Variants in SPOCK1 observed in about 807,000 individuals in gnomAD.
SPOCK1 encodes the protein testican-1.
SPOCK1 carries 23 observed loss-of-function variants against 55.3 expected under a neutral mutation model. The ratio of observed to expected loss-of-function variants is 0.42; its 90% CI spans 0.30 to 0.59. The LOEUF (loss-of-function observed/expected upper bound fraction) is 0.59, where lower values mean the gene tolerates loss of function less well. SPOCK1 is among the 20% of genes least tolerant of loss of function. The pLI is 0.22. For synonymous variants in SPOCK1, 226 were observed against 221.0 expected (o/e 1.02, Z -0.20); for missense variants, 499 against 552.5 (o/e 0.90, Z 0.97).
At chr5:137,150,591 G>A (rs1167485667) in intron 3 of SPOCK1, among the ~76,000 whole-genome samples, 1 of 152,002 alleles carries the variant, frequency 6.6e-6, no homozygotes, top group Non-Finnish European at 1.5e-5. Context: ...ACAGAATCTG[G>A]CAAATATTGT....
At chr5:137,027,537 C>T (rs957877431) in intron 6 of SPOCK1, among the ~76,000 whole-genome samples, 3 of 152,128 alleles carry the variant, frequency 2.0e-5, no homozygotes, top group Admixed American at 6.5e-5. Context: ...ACTTGAAATG[C>T]GGCTAGTGTG....
At chr5:137,442,521 C>T (rs1430745232) in intron 2 of SPOCK1, among the ~76,000 whole-genome samples, 17 of 152,182 alleles carry the variant, frequency 1.1e-4, no homozygotes, top group Admixed American at 5.2e-4. Flanking sequence ...TAAGATAGTG[C>T]GTGTACAACA....
At chr5:137,369,830 C>G (rs935687733) in intron 2 of SPOCK1, among the ~76,000 whole-genome samples, 4 of 152,128 alleles carry the variant, frequency 2.6e-5, no homozygotes, top group Non-Finnish European at 4.4e-5. Flanking sequence ...TATAAGGACA[C>G]TAATCCCATC....
intron 2 of SPOCK1, among the ~76,000 whole-genome samples, chr5:137,272,215 C>G (rs565634295): frequency 6.6e-6 from 1 of 152,298 alleles, no homozygotes; most frequent in South Asian, 2.1e-4. Flanking sequence ...CCAAACTGCT[C>G]TCAAGAGAAT....
At chr5:137,254,640 C>A (rs868314338) in intron 3 of SPOCK1, among the ~76,000 whole-genome samples, 1 of 152,368 alleles carries the variant, frequency 6.6e-6, no homozygotes, top group South Asian at 2.1e-4. Context: ...GTAAAGCCCA[C>A]ACTACACTGT....
At chr5:137,490,731 C>T (rs773614999) in intron 2 of SPOCK1, among the ~76,000 whole-genome samples, 6 of 152,156 alleles carry the variant, frequency 3.9e-5, no homozygotes, top group East Asian at 1.9e-4. Flanking sequence ...CTCCCAGTTA[C>T]GTCATGATGA....
rs189047000 is a variant in SPOCK1 at position 137,270,863 on chromosome 5, G to A, written c.187-3808C>T. Among the ~76,000 whole-genome samples the A allele has an allele frequency of 9.2e-5, 14 of 152,278 alleles. No individual in the cohort carries two copies. The East Asian group carries it at 2.7e-3, about 29-fold the overall frequency. ...ACTAACAATACAAAAGTAGCTAGGT[G>A]TGGTGGCACATGCCTGTAGTCCCAG... is the stretch of plus-strand genomic sequence containing the variant. On this transcript the variant is annotated intron_variant, in intron 2 of 10. Transcript: ENST00000394945.
intron 2 of SPOCK1, among the ~76,000 whole-genome samples, chr5:137,481,597 T>C (rs1322517071): frequency 6.6e-6 from 1 of 152,190 alleles, no homozygotes; most frequent in Non-Finnish European, 1.5e-5. Flanking sequence ...ACTAACTCTG[T>C]AGTGGGGAAG....
chr5:137,221,519 G>T (rs1001064103), intron 3 of SPOCK1, among the ~76,000 whole-genome samples: 2 of 152,004 alleles, frequency 1.3e-5, no homozygotes, highest in African/African-American at 4.8e-5. Flanking sequence ...GTCGAAAACA[G>T]CATGAAATTC....
At chr5:137,481,231 C>T (rs560589172) in intron 2 of SPOCK1, among the ~76,000 whole-genome samples, 1 of 152,330 alleles carries the variant, frequency 6.6e-6, no homozygotes, top group East Asian at 1.9e-4. Flanking sequence ...GATTGTATGA[C>T]CCTCCCTGAG....
intron 5 of SPOCK1, among the ~76,000 whole-genome samples, chr5:137,074,950 A>G (rs186380753): frequency 1.8e-4 from 27 of 151,982 alleles, no homozygotes; most frequent in Non-Finnish European, 2.6e-4. Flanking sequence ...TGATCAGCCC[A>G]CCTCGGCCTC....
chr5:137,199,524 G>A (rs1321154094), intron 3 of SPOCK1, among the ~76,000 whole-genome samples: 1 of 152,086 alleles, frequency 6.6e-6, no homozygotes, highest in Non-Finnish European at 1.5e-5. Flanking sequence ...CTGAGTCCTT[G>A]CTTTACCTGA....
chr5:137,156,376 C>T (rs145849817), intron 3 of SPOCK1, among the ~76,000 whole-genome samples: 26 of 152,204 alleles, frequency 1.7e-4, no homozygotes, highest in African/African-American at 6.3e-4. Context: ...GCAGAGTTTG[C>T]GCATTCTTAT....
At chr5:137,366,515 C>T (rs1253445050) in intron 2 of SPOCK1, among the ~76,000 whole-genome samples, 1 of 152,134 alleles carries the variant, frequency 6.6e-6, no homozygotes, top group African/African-American at 2.4e-5. Context: ...GGAGCAGGGG[C>T]CTGTTGGACT....
At chr5:137,220,853 G>A (rs1403941983) in intron 3 of SPOCK1, among the ~76,000 whole-genome samples, 1 of 152,204 alleles carries the variant, frequency 6.6e-6, no homozygotes, top group Non-Finnish European at 1.5e-5. Context: ...CATGGTTCCA[G>A]AGCAGAAAAT....
intron 2 of SPOCK1, among the ~76,000 whole-genome samples, chr5:137,332,159 C>T (rs1404124917): frequency 6.6e-6 from 1 of 152,040 alleles, no homozygotes; most frequent in African/African-American, 2.4e-5. Context: ...CCCAGGCACC[C>T]AGCTTTTCAT....
rs370931223 is a variant in SPOCK1 at position 137,297,837 on chromosome 5, A to G, written c.187-30782T>C. On this transcript the variant is annotated intron_variant, in intron 2 of 10. Transcript: ENST00000394945. ...CTTCTGGCACACTTAATTTTAACAGAAGGAGGAAAATGATAGGAGAAAGTA... is the reference window on the plus strand; with the variant it reads ...CTTCTGGCACACTTAATTTTAACAGGAGGAGGAAAATGATAGGAGAAAGTA... Among the ~76,000 whole-genome samples, 23 of 152,270 alleles carry G rather than the reference A, an allele frequency of 1.5e-4. No homozygotes were observed. In the East Asian group the frequency reaches 3.3e-3, roughly 22 times the overall value.
intron 3 of SPOCK1, among the ~76,000 whole-genome samples, chr5:137,205,358 C>A (rs1222262453): frequency 6.6e-6 from 1 of 152,226 alleles, no homozygotes; most frequent in Non-Finnish European, 1.5e-5. Flanking sequence ...CTCTAAAGAG[C>A]TGTGTGCCCT....
intron 2 of SPOCK1, among the ~76,000 whole-genome samples, chr5:137,394,942 G>C (rs548625892): frequency 6.6e-6 from 1 of 152,334 alleles, no homozygotes; most frequent in East Asian, 1.9e-4. Flanking sequence ...AAAGGGTAAA[G>C]CTTTGATCAG....
Sources: gnomAD v4.1 joint callset for allele counts (sites outside exome capture counted in the v4.1 genomes callset) on GRCh38, gnomAD v4.1.1 for gene constraint, MANE v1.5 for transcripts, NCBI Gene and HGNC (gene_info 2026-07-23, HGNC 2026-07-21) for gene names.